Variants in PTPRZ1 observed in about 807,000 individuals in gnomAD.
The protein encoded by PTPRZ1 is protein tyrosine phosphatase receptor type Z1.
Under a neutral mutation model 214.1 loss-of-function variants are expected in PTPRZ1, and 82 were observed. The observed-to-expected ratio is 0.38, with a 90% confidence interval of 0.32 to 0.46. The LOEUF (loss-of-function observed/expected upper bound fraction) is 0.46, where lower values mean the gene tolerates loss of function less well. PTPRZ1 is among the 20% of genes least tolerant of loss of function. PTPRZ1 has a pLI of 1.00. For missense variants in PTPRZ1, 2,603 were observed against 2,748.7 expected, an observed-to-expected ratio of 0.95 and a Z score of 1.19; for synonymous variants, 945 against 987.9, an observed-to-expected ratio of 0.96 and a Z score of 0.81.
At chr7:122,018,289 T>C (rs1798907145) in intron 12 of PTPRZ1, among the ~76,000 whole-genome samples, 1 of 152,182 alleles carries the variant, frequency 6.6e-6, no homozygotes, top group African/African-American at 2.4e-5. Context: ...CCACAAACAC[T>C]CACTGTTCTG....
chr7:121,986,925 C>T (rs1015208952), intron 8 of PTPRZ1, among the ~76,000 whole-genome samples: 1 of 152,132 alleles, frequency 6.6e-6, no homozygotes, highest in Admixed American at 6.5e-5. Context: ...ACACCAACTA[C>T]TTTGTTATGT....
At chr7:121,951,169 CAGTTTTTATAGAGATATGATCT>C (rs1796531250) in intron 2 of PTPRZ1, among the ~76,000 whole-genome samples, 1 of 152,148 alleles carries the variant, frequency 6.6e-6, no homozygotes, top group African/African-American at 2.4e-5. Flanking sequence ...ATCAGTTTGT[CAGTTTTTATAGAGATATGATCT>C]AGAATCAACT....
chr7:122,061,544 T>C lies in PTPRZ1; in HGVS notation c.*324T>C, dbSNP rs1303140725. The C allele has an allele frequency of 6.0e-6, 1 of 165,826 alleles. No homozygotes were observed. Among genetic ancestry groups the C allele is most frequent in the African/African-American group, 2.4e-5 (1 of 41,994 alleles). 10.3% of individuals were successfully genotyped at this position (165,826 alleles called of 1,614,324 possible). On this transcript the variant is annotated 3_prime_UTR_variant, in exon 30 of 30. Transcript: ENST00000393386. Reference sequence around the variant, plus strand: ...GGAATTCCAAACTACAGAAAATGTTTGTTTTTAGTGTCAAATTTTTAGCTG... The same window carrying C: ...GGAATTCCAAACTACAGAAAATGTTCGTTTTTAGTGTCAAATTTTTAGCTG...
At chr7:121,962,398 A>C (rs1796906627) in intron 2 of PTPRZ1, among the ~76,000 whole-genome samples, 1 of 151,802 alleles carries the variant, frequency 6.6e-6, no homozygotes, top group Admixed American at 6.6e-5. Context: ...GAGTGAGCAG[A>C]GATTGCACCA....
At chr7:121,923,506 G>A (rs773295596) in intron 1 of PTPRZ1, among the ~76,000 whole-genome samples, 14 of 152,100 alleles carry the variant, frequency 9.2e-5, no homozygotes, top group Non-Finnish European at 1.8e-4. Flanking sequence ...AATAACGTGT[G>A]TATGTGTTTG....
chr7:122,004,964 AT>A (rs1423416035), intron 11 of PTPRZ1, among the ~76,000 whole-genome samples: 17 of 151,980 alleles, frequency 1.1e-4, no homozygotes, highest in Non-Finnish European at 1.3e-4. Flanking sequence ...ATAAACTGGA[AT>A]TTTTTTAGTC....
chr7:121,965,353 G>GGTTT (rs33965058), intron 2 of PTPRZ1, among the ~76,000 whole-genome samples: 88 of 151,034 alleles, frequency 5.8e-4, no homozygotes, highest in East Asian at 4.7e-3. Flanking sequence ...TTGTTGTTGT[G>GGTTT]GTTTGTTTGT....
intron 1 of PTPRZ1, among the ~76,000 whole-genome samples, chr7:121,876,026 G>T (rs1014046374): frequency 6.6e-6 from 1 of 152,120 alleles, no homozygotes; most frequent in African/African-American, 2.4e-5. Flanking sequence ...CCATTATCCA[G>T]GAACAAGTTG....
chr7:122,019,905 A>G (rs1798964851), intron 13 of PTPRZ1, among the ~76,000 whole-genome samples: 1 of 152,210 alleles, frequency 6.6e-6, no homozygotes, highest in Admixed American at 6.5e-5. Flanking sequence ...TGTGGAAAGC[A>G]GAACACACAG....
At chr7:122,044,400 C>T (rs1209096426) in intron 22 of PTPRZ1, 22 bp from the exon 23 acceptor site, 5 of 1,612,892 alleles carry the variant, frequency 3.1e-6, no homozygotes, top group Non-Finnish European at 4.2e-6. Context: ...ACTAATGTTG[C>T]TTATTGTCAT....
chr7:121,882,935 T>G (rs1794287455), intron 1 of PTPRZ1, among the ~76,000 whole-genome samples: 1 of 152,212 alleles, frequency 6.6e-6, no homozygotes, highest in Non-Finnish European at 1.5e-5. Context: ...GAGTCACTGG[T>G]GATCCTTAAG....
rs1233227325 is a variant in PTPRZ1 at position 122,013,591 on chromosome 7, CAATGATGGAAAAGAG to C, written c.4546_4560del (p.Asn1516_Glu1520del). 1.1e-5 allele frequency: 17 copies of C among 1,614,170 alleles called. No individual in the cohort carries two copies. Among genetic ancestry groups the C allele is most frequent in the Non-Finnish European group, 1.2e-5 (14 of 1,180,040 alleles). The stretch of plus-strand genomic sequence containing the variant: ...CAGCAAATGGGCTATCCCAAAAGCA[CAATGATGGAAAAGAG>C]GAAAATGACATTCAGACTGGTAGTG... On this transcript the variant is annotated inframe_deletion, in exon 12 of 30. Coordinates refer to ENST00000393386, the MANE Select transcript of PTPRZ1 (RefSeq NM_002851.3).
intron 27 of PTPRZ1, among the ~76,000 whole-genome samples, chr7:122,057,979 C>CATATATATATATACATATATATATAT (rs889083888): frequency 2.0e-5 from 3 of 147,036 alleles, no homozygotes; most frequent in African/African-American, 7.6e-5. Context: ...TATATATATA[C>CATATATATATATACATATATATATAT]ATATATATAT....
intron 10 of PTPRZ1, 72 bp downstream of exon 10, chr7:121,998,078 G>A (rs944471249): frequency 6.8e-7 from 1 of 1,470,058 alleles, no homozygotes; most frequent in African/African-American, 1.4e-5. Flanking sequence ...ATGCATTGAT[G>A]CTTTCTCTCT....
At chr7:121,969,831 T>C (rs573985202) in intron 3 of PTPRZ1, among the ~76,000 whole-genome samples, 256 of 152,086 alleles carry the variant, frequency 1.7e-3, no homozygotes, top group African/African-American at 5.2e-3. Flanking sequence ...CTTTAAGTTC[T>C]AGGGTACATG....
intron 2 of PTPRZ1, among the ~76,000 whole-genome samples, chr7:121,952,161 T>C (rs1244625604): frequency 1.3e-5 from 2 of 152,122 alleles, no homozygotes; most frequent in African/African-American, 4.8e-5. Flanking sequence ...GGTTTCACCG[T>C]GTTAGCGAGC....
intron 10 of PTPRZ1, among the ~76,000 whole-genome samples, chr7:121,998,920 T>TAAACAC (rs1562853465): frequency 6.6e-6 from 1 of 152,194 alleles, no homozygotes; most frequent in Non-Finnish European, 1.5e-5. Flanking sequence ...TAGTTTTACC[T>TAAACAC]ATGGCAGGAA....
At chr7:121,897,087 A>C (rs1271600396) in intron 1 of PTPRZ1, among the ~76,000 whole-genome samples, 1 of 152,220 alleles carries the variant, frequency 6.6e-6, no homozygotes, top group Non-Finnish European at 1.5e-5. Flanking sequence ...AGACAATCAT[A>C]GTACCAGACA....
chr7:122,059,987 C>A, intron 29 of PTPRZ1, 99 bp downstream of exon 29: 1 of 1,183,624 alleles, frequency 8.4e-7, no homozygotes, highest in Non-Finnish European at 1.2e-6. Flanking sequence ...ATCTTATTAA[C>A]TGATAACATT....
Sources: gnomAD v4.1 joint callset for allele counts (sites outside exome capture counted in the v4.1 genomes callset) on GRCh38, gnomAD v4.1.1 for gene constraint, MANE v1.5 for transcripts, NCBI Gene and HGNC (gene_info 2026-07-23, HGNC 2026-07-21) for gene names.